Variants in CLSTN2 observed in about 807,000 individuals in gnomAD.
CLSTN2 encodes calsyntenin-2.
In CLSTN2, 48 loss-of-function variants were observed where a neutral mutation model predicts 101.2. The ratio of observed to expected loss-of-function variants is 0.47; its 90% CI spans 0.38 to 0.60. CLSTN2 has a LOEUF of 0.60. Ranked by LOEUF, CLSTN2 falls within the 20% of genes least tolerant of loss-of-function variation. The pLI is 0.00. For missense variants in CLSTN2, 1,160 were observed against 1,238.2 expected (o/e 0.94, Z 0.95); for synonymous variants, 481 against 463.6 (o/e 1.04, Z -0.48).
intron 1 of CLSTN2, among the ~76,000 whole-genome samples, chr3:140,046,818 C>T (rs2007890892): frequency 6.6e-6 from 1 of 152,110 alleles, no homozygotes. Context: ...AGGAGGCATC[C>T]CTGGCTTACC....
At chr3:140,363,548 C>T (rs1276975324) in intron 2 of CLSTN2, among the ~76,000 whole-genome samples, 1 of 152,158 alleles carries the variant, frequency 6.6e-6, no homozygotes, top group Non-Finnish European at 1.5e-5. Flanking sequence ...GATAGCATAG[C>T]AGAGTCTTGG....
intron 1 of CLSTN2, among the ~76,000 whole-genome samples, chr3:139,949,731 T>C (rs1935263275): frequency 6.6e-6 from 1 of 152,192 alleles, no homozygotes; most frequent in Admixed American, 6.5e-5. Context: ...CGTGGGAGAA[T>C]ATCTTCTGTC....
intron 2 of CLSTN2, among the ~76,000 whole-genome samples, chr3:140,289,426 G>A (rs2086929154): frequency 6.6e-6 from 1 of 151,658 alleles, no homozygotes; most frequent in Non-Finnish European, 1.5e-5. Flanking sequence ...TTTAAAATTT[G>A]GAGCCTTTCT....
At chr3:140,262,566 A>G (rs868160724) in intron 2 of CLSTN2, among the ~76,000 whole-genome samples, 1 of 152,182 alleles carries the variant, frequency 6.6e-6, no homozygotes, top group East Asian at 1.9e-4. Context: ...TGAATGGATT[A>G]TATGTTTCAT....
intron 2 of CLSTN2, among the ~76,000 whole-genome samples, chr3:140,318,677 C>T (rs538860923): frequency 6.6e-6 from 1 of 152,250 alleles, no homozygotes; most frequent in East Asian, 1.9e-4. Flanking sequence ...TAGGTACTTA[C>T]CGTGATGCAG....
chr3:140,103,298 A>G (rs1262158078), intron 1 of CLSTN2, among the ~76,000 whole-genome samples: 1 of 152,198 alleles, frequency 6.6e-6, no homozygotes, highest in African/African-American at 2.4e-5. Context: ...CACTGTCTTC[A>G]TCACTCTCTG....
chr3:140,153,215 G>C (rs1050901602), intron 1 of CLSTN2, among the ~76,000 whole-genome samples: 1 of 152,222 alleles, frequency 6.6e-6, no homozygotes, highest in Non-Finnish European at 1.5e-5. Context: ...GTGTAGCCAG[G>C]GGCTGCTTTA....
intron 1 of CLSTN2, among the ~76,000 whole-genome samples, chr3:139,982,872 TAG>T (rs777139302): frequency 6.6e-6 from 1 of 151,896 alleles, no homozygotes; most frequent in Non-Finnish European, 1.5e-5. Flanking sequence ...AGACTATATA[TAG>T]AGAGAGACCA....
intron 2 of CLSTN2, among the ~76,000 whole-genome samples, chr3:140,181,440 A>C (rs1245887435): frequency 6.6e-6 from 1 of 152,076 alleles, no homozygotes; most frequent in Non-Finnish European, 1.5e-5. Context: ...TTTTTTTTAA[A>C]AAAGAGAAAA....
intron 8 of CLSTN2, among the ~76,000 whole-genome samples, chr3:140,493,659 A>G (rs1172990115): frequency 1.3e-5 from 2 of 152,166 alleles, no homozygotes; most frequent in Non-Finnish European, 2.9e-5. Context: ...GGGGAAGGAG[A>G]GGGTCAAAGG....
intron 2 of CLSTN2, among the ~76,000 whole-genome samples, chr3:140,309,855 C>T (rs759423713): frequency 6.6e-6 from 1 of 152,138 alleles, no homozygotes; most frequent in African/African-American, 2.4e-5. Context: ...GGGCTCTACA[C>T]TCTCCTTCCC....
chr3:140,189,677 A>G (rs929641996), intron 2 of CLSTN2, among the ~76,000 whole-genome samples: 1 of 152,200 alleles, frequency 6.6e-6, no homozygotes, highest in Non-Finnish European at 1.5e-5. Context: ...TGGTTTGTAA[A>G]TATTTTAATT....
intron 2 of CLSTN2, among the ~76,000 whole-genome samples, chr3:140,209,354 G>A (rs1388989580): frequency 6.6e-6 from 1 of 152,192 alleles, no homozygotes; most frequent in Non-Finnish European, 1.5e-5. Context: ...TATGCTTTCA[G>A]GACAGTGGGT....
chr3:140,286,307 G>A (rs1033731316), intron 2 of CLSTN2, among the ~76,000 whole-genome samples: 5 of 151,832 alleles, frequency 3.3e-5, no homozygotes, highest in Admixed American at 3.3e-4. Context: ...TTTTCAAGGA[G>A]ATCTGGGGAA....
intron 1 of CLSTN2, among the ~76,000 whole-genome samples, chr3:140,015,587 A>C (rs1477404238): frequency 6.6e-6 from 1 of 152,244 alleles, no homozygotes; most frequent in African/African-American, 2.4e-5. Context: ...CCTGAGAAAC[A>C]GAAGAATGGG....
chr3:140,090,845 A>G, intron 1 of CLSTN2, among the ~76,000 whole-genome samples: 1 of 152,120 alleles, frequency 6.6e-6, no homozygotes, highest in East Asian at 1.9e-4. Context: ...GGGGGCAGGA[A>G]AGGGTACTAC....
chr3:140,282,208 C>T (rs938843600), intron 2 of CLSTN2, among the ~76,000 whole-genome samples: 1 of 152,162 alleles, frequency 6.6e-6, no homozygotes, highest in Non-Finnish European at 1.5e-5. Context: ...TACAAAATAG[C>T]TTGGCTTTGA....
intron 2 of CLSTN2, among the ~76,000 whole-genome samples, chr3:140,400,829 G>T (rs2088233446): frequency 6.6e-6 from 1 of 152,176 alleles, no homozygotes; most frequent in Non-Finnish European, 1.5e-5. Flanking sequence ...CTCCACTCCT[G>T]CCACACTGGG....
intron 1 of CLSTN2, among the ~76,000 whole-genome samples, chr3:140,148,980 C>T (rs1560109517): frequency 6.6e-6 from 1 of 152,120 alleles, no homozygotes; most frequent in Non-Finnish European, 1.5e-5. Context: ...TCCTTCAAGC[C>T]AGAGAGCGGA....
Sources: allele counts gnomAD v4.1 joint callset (sites outside exome capture counted in the v4.1 genomes callset), GRCh38; gene constraint gnomAD v4.1.1; transcripts MANE v1.5; gene names NCBI Gene and HGNC (gene_info 2026-07-23, HGNC 2026-07-21).